PCDHGA8: variants seen among roughly 807,000 people sequenced by gnomAD.
PCDHGA8 encodes the protein protocadherin gamma-A8.
PCDHGA8 carries 45 observed loss-of-function variants against 59.2 expected under a neutral mutation model. The ratio of observed to expected loss-of-function variants is 0.76; its 90% CI spans 0.60 to 0.98. PCDHGA8 has a LOEUF of 0.98. Among genes scored for constraint, PCDHGA8 ranks in the 50% least tolerant of loss-of-function variants. The pLI is 0.00. For missense variants in PCDHGA8, 1,257 were observed against 1,196.2 expected, an observed-to-expected ratio of 1.05 and a Z score of -0.75; for synonymous variants, 531 against 519.0, an observed-to-expected ratio of 1.02 and a Z score of -0.32.
chr5:141,482,859 G>A (rs1371172226), intron 1 of PCDHGA8, among the ~76,000 whole-genome samples: 3 of 148,230 alleles, frequency 2.0e-5, no homozygotes, highest in Admixed American at 6.7e-5. Flanking sequence ...ATCACTTGAG[G>A]TCAGGAGTTT....
At chr5:141,442,837 A>G (rs2098346617) in intron 1 of PCDHGA8, among the ~76,000 whole-genome samples, 1 of 152,202 alleles carries the variant, frequency 6.6e-6, no homozygotes, top group Admixed American at 6.5e-5. Flanking sequence ...GGGAGGGACA[A>G]ATCTTGGCCA....
intron 1 of PCDHGA8, among the ~76,000 whole-genome samples, chr5:141,438,339 AGGATC>A (rs1013025873): frequency 1.6e-4 from 25 of 151,944 alleles, no homozygotes; most frequent in Non-Finnish European, 1.9e-4. Flanking sequence ...ATGTCATATA[AGGATC>A]TACTCTGTGT....
At chr5:141,458,434 G>T (rs535464730) in intron 1 of PCDHGA8, among the ~76,000 whole-genome samples, 1 of 152,198 alleles carries the variant, frequency 6.6e-6, no homozygotes, top group African/African-American at 2.4e-5. Context: ...GAAAGAGGAG[G>T]TCCCCCACAT....
intron 1 of PCDHGA8, chr5:141,478,072 G>A (rs752905249): frequency 6.2e-7 from 1 of 1,614,048 alleles, no homozygotes; most frequent in Admixed American, 1.7e-5. Flanking sequence ...AAGACAATGG[G>A]GAGCCTTCGC....
In PCDHGA8 at chr5:141,393,450, A is replaced by G; in HGVS notation, c.637A>G (p.Thr213Ala). The change falls in exon 1 of 4, where the codon ACG (threonine) becomes GCG (alanine). Residue 213 changes from threonine (T) to alanine (A), a missense_variant. Transcript: ENST00000398604. ...AGAGGCTGCTCACCACCTGGTCCTC[A>G]CGGCCTCGGATGGCGGCAAGCCGCC... The part of the protein sequence containing the change: ...EEEAAHHLVL[T>A]ASDGGKPPRS... The G allele has an allele frequency of 6.2e-7, 1 of 1,614,028 alleles. No individual in the cohort carries two copies. The highest frequency in any genetic ancestry group is 8.5e-7 in the Non-Finnish European group (1 of 1,179,900).
chr5:141,494,921 A>C (rs1345734925), intron 2 of PCDHGA8, 56 bp downstream of exon 2: 6 of 1,613,556 alleles, frequency 3.7e-6, no homozygotes, highest in Non-Finnish European at 5.1e-6. Flanking sequence ...CTCAGGGATG[A>C]CGTGGGAGGA....
intron 1 of PCDHGA8, chr5:141,427,972 C>A: frequency 6.3e-7 from 1 of 1,593,948 alleles, no homozygotes; most frequent in Non-Finnish European, 8.6e-7. Context: ...GTGCTGTACC[C>A]CGCGCTGGGG....
chr5:141,415,194 C>T (rs1252476580), intron 1 of PCDHGA8: 2 of 1,614,064 alleles, frequency 1.2e-6, no homozygotes, highest in Non-Finnish European at 1.7e-6. Context: ...ACAGCATCCC[C>T]CAAGTCCTGG....
chr5:141,480,694 G>A (rs1446014656), intron 1 of PCDHGA8, among the ~76,000 whole-genome samples: 1 of 152,128 alleles, frequency 6.6e-6, no homozygotes, highest in Non-Finnish European at 1.5e-5. Flanking sequence ...TGAAACCCAG[G>A]CCACACCCCG....
At chr5:141,401,115 G>A (rs923480761) in intron 1 of PCDHGA8, among the ~76,000 whole-genome samples, 8 of 152,092 alleles carry the variant, frequency 5.3e-5, no homozygotes, top group Admixed American at 3.9e-4. Context: ...AGGCCGAGGC[G>A]GTTGGATCAC....
rs77976889 is a variant in PCDHGA8, at chr5:141,493,704, G to C, written c.2425-1103G>C. On this transcript the variant is annotated intron_variant, in intron 1 of 3. Transcript: ENST00000398604. This position sits in a 1 kb window ranked among gnomAD's most constrained non-coding sequence, Gnocchi z 4.3. ...GTGCTGGTGACTCCCGATACACCTG[G>C]AATGCTAGGTTTCTGGGTTCTGCTC... Among the ~76,000 whole-genome samples the C allele has an allele frequency of 1.7e-3, 258 of 152,278 alleles. 2 individuals are homozygous for C. The highest frequency in any genetic ancestry group is 5.7e-3 in the African/African-American group (237 of 41,540).
rs2099388776 is a variant in PCDHGA8, at chr5:141,476,308, C to T, written c.2425-18499C>T. On this transcript the variant is annotated intron_variant, in intron 1 of 3. Coordinates refer to ENST00000398604, the MANE Select transcript of PCDHGA8 (RefSeq NM_032088.2). The surrounding 1 kb of genome is among the most constrained non-coding windows in gnomAD (Gnocchi z 7.6). ...TGGATCTCGGTAGCCTCTCAGCCCG[C>T]AGGTTCCGGGTGGTGTCTGGAGCTA... The T allele has an allele frequency of 1.2e-6, 2 of 1,613,750 alleles. No individual in the cohort carries two copies. The highest frequency in any genetic ancestry group is 2.7e-5 in the African/African-American group (2 of 74,806).
intron 1 of PCDHGA8, chr5:141,410,146 C>G: frequency 6.2e-7 from 1 of 1,612,390 alleles, no homozygotes. Flanking sequence ...CTGTGCGTGA[C>G]GGTGGACAGC....
At chr5:141,460,724 A>C (rs1294708205) in intron 1 of PCDHGA8, among the ~76,000 whole-genome samples, 1 of 152,114 alleles carries the variant, frequency 6.6e-6, no homozygotes, top group African/African-American at 2.4e-5. Context: ...TGTTATAAGC[A>C]TATATACACA....
At position 141,477,197 on chromosome 5, in the gene PCDHGA8, G is replaced by A. The variant is rs781504885; in HGVS notation, c.2425-17610G>A. ...CACAGTCACCTCCGTGTACAGCCCA[G>A]TACCCGAGGATGCCCCTCTGGGGAC... On this transcript the variant is annotated intron_variant, in intron 1 of 3. Coordinates refer to ENST00000398604, the MANE Select transcript of PCDHGA8 (RefSeq NM_032088.2). The surrounding 1 kb of genome is among the most constrained non-coding windows in gnomAD (Gnocchi z 4.9). 1 of 1,614,210 alleles carries A rather than the reference G, an allele frequency of 6.2e-7. No homozygotes were observed. Among genetic ancestry groups the A allele is most frequent in the East Asian group, 2.2e-5 (1 of 44,874 alleles).
chr5:141,466,992 A>ATTT (rs985433044), intron 1 of PCDHGA8, among the ~76,000 whole-genome samples: 1 of 148,706 alleles, frequency 6.7e-6, no homozygotes, highest in African/African-American at 2.5e-5. Flanking sequence ...ACCTTTTGGC[A>ATTT]TTTTTTTGCA....
chr5:141,415,585 C>G (rs1589974529), intron 1 of PCDHGA8: 5 of 1,613,900 alleles, frequency 3.1e-6, no homozygotes, highest in Non-Finnish European at 3.4e-6. Context: ...TTCGAAGTTT[C>G]CTATAGAGGA....
At chr5:141,500,417 G>A in intron 2 of PCDHGA8, among the ~76,000 whole-genome samples, 1 of 151,736 alleles carries the variant, frequency 6.6e-6, no homozygotes, top group East Asian at 2.0e-4. Flanking sequence ...CACCGTGTTA[G>A]CCAGGATGGT....
At chr5:141,413,454 G>A (rs765318722) in intron 1 of PCDHGA8, 46 of 1,614,026 alleles carry the variant, frequency 2.9e-5, no homozygotes, top group Non-Finnish European at 3.7e-5. Flanking sequence ...CCGCGGGCAG[G>A]ATAGACCGGG....
Sources: gnomAD v4.1 joint callset for allele counts (sites outside exome capture counted in the v4.1 genomes callset) on GRCh38, gnomAD v4.1.1 for gene constraint, Gnocchi (gnomAD v3.1) non-coding constraint, MANE v1.5 for transcripts, NCBI Gene and HGNC (gene_info 2026-07-23, HGNC 2026-07-21) for gene names.